Variants in PPP2R2B observed in about 807,000 individuals in gnomAD.
The protein encoded by PPP2R2B is serine/threonine-protein phosphatase 2A 55 kDa regulatory subunit B beta isoform.
PPP2R2B carries 5 observed loss-of-function variants against 46.0 expected under a neutral mutation model. The observed-to-expected ratio is 0.11, with a 90% confidence interval of 0.06 to 0.23. The LOEUF is 0.23. Among genes scored for constraint, PPP2R2B ranks in the 10% least tolerant of loss-of-function variants. The probability of loss-of-function intolerance (pLI) is 1.00; values close to 1 mark genes in which losing one functional copy is unlikely to be tolerated. For missense variants in PPP2R2B, 367 were observed against 575.0 expected (o/e 0.64, Z 3.70); for synonymous variants, 215 against 206.7 (o/e 1.04, Z -0.34).
intron 1 of PPP2R2B, among the ~76,000 whole-genome samples, chr5:146,933,950 T>C (rs1180484744): frequency 2.5e-4 from 38 of 151,680 alleles, no homozygotes; most frequent in African/African-American, 6.3e-4. Flanking sequence ...TTTGTTCTTG[T>C]GATAGTTTAC....
intron 1 of PPP2R2B, among the ~76,000 whole-genome samples, chr5:146,904,815 T>A (rs557043261): frequency 6.6e-6 from 1 of 152,226 alleles, no homozygotes; most frequent in South Asian, 2.1e-4. Context: ...AACACCACAT[T>A]TAACAGCAGC....
intron 9 of PPP2R2B, among the ~76,000 whole-genome samples, chr5:146,591,066 G>A (rs1770601312): frequency 6.6e-6 from 1 of 152,120 alleles, no homozygotes; most frequent in African/African-American, 2.4e-5. Context: ...TTCAGACACG[G>A]TGACAAGCTG....
At chr5:146,907,041 G>C (rs1251504165) in intron 1 of PPP2R2B, among the ~76,000 whole-genome samples, 1 of 152,176 alleles carries the variant, frequency 6.6e-6, no homozygotes, top group East Asian at 1.9e-4. Flanking sequence ...AAAGGCAAGA[G>C]GCTCCTTGGC....
chr5:146,738,097 T>TA (rs1382798212), intron 2 of PPP2R2B, among the ~76,000 whole-genome samples: 11 of 152,002 alleles, frequency 7.2e-5, no homozygotes, highest in Non-Finnish European at 1.2e-4. Context: ...TTAGGTGATA[T>TA]AAAAAATCTT....
intron 5 of PPP2R2B, among the ~76,000 whole-genome samples, chr5:146,653,888 C>T (rs1776151875): frequency 1.3e-5 from 2 of 152,136 alleles, no homozygotes. Context: ...ATTCCAACAT[C>T]AGTCCCAGGC....
chr5:146,960,451 G>A (rs1477031044), intron 1 of PPP2R2B, among the ~76,000 whole-genome samples: 1 of 152,064 alleles, frequency 6.6e-6, no homozygotes, highest in South Asian at 2.1e-4. Flanking sequence ...CACCACGCCC[G>A]GCTAATTTTT....
chr5:146,926,675 C>G (rs1190601662), intron 1 of PPP2R2B, among the ~76,000 whole-genome samples: 1 of 152,128 alleles, frequency 6.6e-6, no homozygotes, highest in Admixed American at 6.5e-5. Flanking sequence ...CCTTTTTCAC[C>G]TATTTTCAGG....
intron 1 of PPP2R2B, among the ~76,000 whole-genome samples, chr5:147,053,072 T>A (rs759638772): frequency 2.0e-5 from 3 of 151,904 alleles, no homozygotes; most frequent in Non-Finnish European, 4.4e-5. Context: ...TTGAATGTAT[T>A]TTTTTGCAAC....
chr5:146,861,112 G>A (rs1452790163), intron 2 of PPP2R2B, among the ~76,000 whole-genome samples: 1 of 144,502 alleles, frequency 6.9e-6, no homozygotes, highest in African/African-American at 2.6e-5. Context: ...CTGGAGTGCA[G>A]TGGCGCGATC....
At chr5:146,900,411 C>G (rs1203804582) in intron 1 of PPP2R2B, among the ~76,000 whole-genome samples, 1 of 152,132 alleles carries the variant, frequency 6.6e-6, no homozygotes, top group Non-Finnish European at 1.5e-5. Flanking sequence ...TAGACTGTTG[C>G]CATATGTAAA....
At chr5:147,021,865 A>C (rs1018288779) in intron 1 of PPP2R2B, among the ~76,000 whole-genome samples, 2 of 152,222 alleles carry the variant, frequency 1.3e-5, no homozygotes, top group African/African-American at 2.4e-5. Context: ...AACTCTAAAA[A>C]TGATAAGGAT....
intron 2 of PPP2R2B, among the ~76,000 whole-genome samples, chr5:146,814,132 AT>A (rs1274448729): frequency 1.3e-5 from 2 of 151,898 alleles, no homozygotes; most frequent in African/African-American, 2.4e-5. Context: ...GATTATGAGC[AT>A]CAGAATGGGG....
chr5:146,608,550 A>G (rs193291963), intron 7 of PPP2R2B, among the ~76,000 whole-genome samples: 1,821 of 152,310 alleles, frequency 0.012, 17 homozygotes, highest in Non-Finnish European at 0.018. Context: ...TAATCCCAGC[A>G]CTTTGGGAGG....
intron 1 of PPP2R2B, among the ~76,000 whole-genome samples, chr5:147,041,841 C>G (rs1034134295): frequency 2.0e-5 from 3 of 152,104 alleles, no homozygotes; most frequent in African/African-American, 7.2e-5. Flanking sequence ...TAATGCCCAA[C>G]CTTGTTTTTA....
intron 2 of PPP2R2B, among the ~76,000 whole-genome samples, chr5:146,719,399 A>G (rs1780665139): frequency 6.6e-6 from 1 of 152,260 alleles, no homozygotes; most frequent in African/African-American, 2.4e-5. Context: ...GATACCATTC[A>G]TCTCTGTCAT....
chr5:146,855,780 T>G (rs1306037164), intron 2 of PPP2R2B, among the ~76,000 whole-genome samples: 1 of 152,108 alleles, frequency 6.6e-6, no homozygotes, highest in African/African-American at 2.4e-5. Context: ...TATCCCAAAA[T>G]ATAGCCAAAT....
intron 2 of PPP2R2B, among the ~76,000 whole-genome samples, chr5:146,800,570 A>AT (rs1172462662): frequency 8.8e-6 from 1 of 113,638 alleles, no homozygotes; most frequent in African/African-American, 3.4e-5. Flanking sequence ...CCCTGATGGT[A>AT]TTTTTTTCTG....
intron 6 of PPP2R2B, among the ~76,000 whole-genome samples, chr5:146,649,848 G>C (rs1469530681): frequency 1.3e-5 from 2 of 152,140 alleles, no homozygotes; most frequent in Non-Finnish European, 2.9e-5. Flanking sequence ...TTAATATAAA[G>C]AGGCATGATG....
At chr5:147,011,400 A>G (rs1224523561) in intron 1 of PPP2R2B, among the ~76,000 whole-genome samples, 6 of 152,168 alleles carry the variant, frequency 3.9e-5, no homozygotes, top group Non-Finnish European at 8.8e-5. Flanking sequence ...ATCACCATAT[A>G]TATCACAAAT....
Sources: allele counts gnomAD v4.1 joint callset (sites outside exome capture counted in the v4.1 genomes callset), GRCh38; gene constraint gnomAD v4.1.1; transcripts MANE v1.5; gene names NCBI Gene and HGNC (gene_info 2026-07-23, HGNC 2026-07-21).